The following PCDHGA8 variants were observed in gnomAD, a reference collection of about 807,000 sequenced individuals.
The protein encoded by PCDHGA8 is protocadherin gamma-A8.
Under a neutral mutation model 59.2 loss-of-function variants are expected in PCDHGA8, and 45 were observed. The observed-to-expected ratio is 0.76, with a 90% CI of 0.60 to 0.98. PCDHGA8 has a LOEUF of 0.98. Ranked by LOEUF, PCDHGA8 falls within the 50% of genes least tolerant of loss-of-function variation. The probability of loss-of-function intolerance (pLI) is 0.00; values close to 1 mark genes in which losing one functional copy is unlikely to be tolerated. For synonymous variants in PCDHGA8, 531 were observed against 519.0 expected (o/e 1.02, Z -0.32); for missense variants, 1,257 against 1,196.2 (o/e 1.05, Z -0.75).
chr5:141,415,210 C>G lies in PCDHGA8; in HGVS notation c.2424+19973C>G, dbSNP rs2095843973. The G allele has an allele frequency of 2.5e-6, 4 of 1,614,068 alleles. No individual in the cohort carries two copies. The highest frequency in any genetic ancestry group is 1.6e-4 in the Middle Eastern group (1 of 6,062). ...CAGCATCCCCCAAGTCCTGGCGGAC[C>G]TCGGCAGCTTCGAGTCTCCAGCTAA... is the stretch of plus-strand genomic sequence containing the variant. On this transcript the variant is annotated intron_variant, in intron 1 of 3. Coordinates refer to ENST00000398604, the MANE Select transcript of PCDHGA8 (RefSeq NM_032088.2).
intron 1 of PCDHGA8, chr5:141,408,375 T>C: frequency 6.2e-7 from 1 of 1,613,972 alleles, no homozygotes; most frequent in Non-Finnish European, 8.5e-7. Context: ...GGGCTCAGTG[T>C]CCTGGATGTG....
intron 1 of PCDHGA8, chr5:141,427,539 A>G: frequency 1.6e-6 from 1 of 632,868 alleles, no homozygotes; most frequent in Non-Finnish European, 2.9e-6. Context: ...GTACAACGTC[A>G]CCATCACTGC....
chr5:141,427,150 T>C (rs570999921), intron 1 of PCDHGA8: 6 of 456,866 alleles, frequency 1.3e-5, no homozygotes, highest in African/African-American at 4.0e-5. Flanking sequence ...ATTGGAAATA[T>C]GTTTGTGCTA....
chr5:141,399,396 G>C, intron 1 of PCDHGA8: 1 of 1,613,960 alleles, frequency 6.2e-7, no homozygotes, highest in Non-Finnish European at 8.5e-7. Flanking sequence ...CCACAGACAG[G>C]GGCAAGCCGC....
chr5:141,507,397 AC>A (rs1163501030), intron 3 of PCDHGA8: 1 of 152,144 alleles, frequency 6.6e-6, no homozygotes. Flanking sequence ...TGGCAACTCT[AC>A]CCCAGATGTC....
chr5:141,474,135 G>C (rs1032470573), intron 1 of PCDHGA8, among the ~76,000 whole-genome samples: 2 of 152,062 alleles, frequency 1.3e-5, no homozygotes, highest in Admixed American at 1.3e-4. Context: ...GAAAACTACA[G>C]GCCTTATTAT....
In PCDHGA8 at chr5:141,431,450, A is replaced by G; in HGVS notation, c.2424+36213A>G. 2 of 1,613,740 alleles carry G rather than the reference A, an allele frequency of 1.2e-6. No individual in the cohort carries two copies. Among genetic ancestry groups the G allele is most frequent in the South Asian group, 1.1e-5 (1 of 91,082 alleles). Reference sequence around the variant, plus strand: ...CACAGGCACCGCGCGCATCCGCGTGATGGTTCTGGATGCGAACGACAACGC... The same window carrying G: ...CACAGGCACCGCGCGCATCCGCGTGGTGGTTCTGGATGCGAACGACAACGC... On this transcript the variant is annotated intron_variant, in intron 1 of 3. Coordinates refer to ENST00000398604, the MANE Select transcript of PCDHGA8 (RefSeq NM_032088.2). The surrounding 1 kb of genome is among the most constrained non-coding windows in gnomAD (Gnocchi z 4.8).
At chr5:141,475,103 G>A (rs771784343) in intron 1 of PCDHGA8, among the ~76,000 whole-genome samples, 1 of 152,176 alleles carries the variant, frequency 6.6e-6, no homozygotes, top group Non-Finnish European at 1.5e-5. Flanking sequence ...AAGATCCTAG[G>A]TGGTAAATAG....
In PCDHGA8 at chr5:141,413,613, TA is replaced by T. The variant is rs2095659138; in HGVS notation, c.2424+18378del. The T allele has an allele frequency of 4.3e-6, 7 of 1,613,714 alleles. No individual in the cohort carries two copies. The East Asian group carries it at 1.6e-4, about 36-fold the overall frequency. On this transcript the variant is annotated intron_variant, in intron 1 of 3. Transcript: ENST00000398604. Reference sequence around the variant, plus strand: ...AAGCAGAAAATCTAGACGTAAAAATTAATGAAAATGTCGCTGCGGGAATGCG... The same window carrying T: ...AAGCAGAAAATCTAGACGTAAAAATTATGAAAATGTCGCTGCGGGAATGCG...
chr5:141,412,343 A>T (rs928223487), intron 1 of PCDHGA8: 2 of 152,166 alleles, frequency 1.3e-5, no homozygotes, highest in African/African-American at 4.8e-5. Context: ...ATATATGTTC[A>T]TTTTAGTTTG....
intron 1 of PCDHGA8, chr5:141,403,041 A>T: frequency 6.2e-7 from 1 of 1,614,084 alleles, no homozygotes; most frequent in Non-Finnish European, 8.5e-7. Flanking sequence ...AGGGCCAGTC[A>T]GATTCGCTAC....
At chr5:141,461,190 T>C (rs2099010725) in intron 1 of PCDHGA8, among the ~76,000 whole-genome samples, 1 of 152,142 alleles carries the variant, frequency 6.6e-6, no homozygotes, top group Non-Finnish European at 1.5e-5. Context: ...TAGATCTGTT[T>C]TTTGCTCTTT....
In PCDHGA8 at chr5:141,414,949, G is replaced by A. The variant is rs774769957; in HGVS notation, c.2424+19712G>A. On this transcript the variant is annotated intron_variant, in intron 1 of 3. Transcript: ENST00000398604. ...CCGCTCCGCAGAGCCCGGCTACCTGGTGACCAAGGTGGTGGCGGTGGACAG... is the reference window on the plus strand; with the variant it reads ...CCGCTCCGCAGAGCCCGGCTACCTGATGACCAAGGTGGTGGCGGTGGACAG... The A allele has an allele frequency of 8.1e-6, 13 of 1,614,096 alleles. 1 individual carries two copies. The South Asian group carries it at 1.4e-4, about 18-fold the overall frequency.
chr5:141,454,948 C>T (rs2098807728), intron 1 of PCDHGA8, among the ~76,000 whole-genome samples: 1 of 151,548 alleles, frequency 6.6e-6, no homozygotes, highest in Non-Finnish European at 1.5e-5. Flanking sequence ...GCTGGGACTA[C>T]AGGCGCCGGC....
At position 141,431,424 on chromosome 5, in the gene PCDHGA8, G is replaced by A; in HGVS notation, c.2424+36187G>A. The A allele has an allele frequency of 1.9e-6, 3 of 1,613,676 alleles. No individual in the cohort carries two copies. The highest frequency in any genetic ancestry group is 2.5e-6 in the Non-Finnish European group (3 of 1,180,028). On this transcript the variant is annotated intron_variant, in intron 1 of 3. Coordinates refer to ENST00000398604, the MANE Select transcript of PCDHGA8 (RefSeq NM_032088.2). The surrounding 1 kb of genome is among the most constrained non-coding windows in gnomAD (Gnocchi z 4.8). ...GCCTCCGACGGGGGCGACCCGGTGC[G>A]CACAGGCACCGCGCGCATCCGCGTG... is the stretch of plus-strand genomic sequence containing the variant.
rs962136728 is a variant in PCDHGA8 at position 141,491,524 on chromosome 5, G to A, written c.2425-3283G>A. 1 of 1,613,960 alleles carries A rather than the reference G, an allele frequency of 6.2e-7. No homozygotes were observed. The highest frequency in any genetic ancestry group is 1.3e-5 in the African/African-American group (1 of 74,936). On this transcript the variant is annotated intron_variant, in intron 1 of 3. Coordinates refer to ENST00000398604, the MANE Select transcript of PCDHGA8 (RefSeq NM_032088.2). The surrounding 1 kb of genome is among the most constrained non-coding windows in gnomAD (Gnocchi z 6.9). ...GGACGGCACGCTCAAGTACATGGAG[G>A]TGACGCTGCGGCCCACAGACTCGCA...
chr5:141,454,675 G>A (rs973403044), intron 1 of PCDHGA8, among the ~76,000 whole-genome samples: 8 of 151,764 alleles, frequency 5.3e-5, no homozygotes, highest in Non-Finnish European at 1.0e-4. Context: ...CAAAACACTG[G>A]GATTACAGGC....
intron 2 of PCDHGA8, among the ~76,000 whole-genome samples, chr5:141,503,340 T>A (rs1394172617): frequency 6.6e-6 from 1 of 152,064 alleles, no homozygotes; most frequent in African/African-American, 2.4e-5. Flanking sequence ...CTCACGCCTG[T>A]AATTCCAGCA....
Position 141,415,384 on chromosome 5 carries a change from A to G in PCDHGA8, c.2424+20147A>G, listed in dbSNP as rs767664633. ...GCTGCAGGCTTCAGGAGGCGGCTTG[A>G]CAGGTGTGTCCGGCTCGCACTTTGT... On this transcript the variant is annotated intron_variant, in intron 1 of 3. Coordinates refer to ENST00000398604, the MANE Select transcript of PCDHGA8 (RefSeq NM_032088.2). 9.3e-6 allele frequency: 15 copies of G among 1,614,156 alleles called. No homozygotes were observed. The East Asian group carries it at 2.2e-4, about 24-fold the overall frequency.
Sources: gnomAD v4.1 joint callset for allele counts (sites outside exome capture counted in the v4.1 genomes callset) on GRCh38, gnomAD v4.1.1 for gene constraint, Gnocchi (gnomAD v3.1) non-coding constraint, MANE v1.5 for transcripts, NCBI Gene and HGNC (gene_info 2026-07-23, HGNC 2026-07-21) for gene names.